Variants in THSD7B observed in about 807,000 individuals in gnomAD.
The protein encoded by THSD7B is thrombospondin type-1 domain-containing protein 7B.
In THSD7B, 138 loss-of-function variants were observed where a neutral mutation model predicts 213.6. That is an observed-to-expected ratio of 0.65 (90% CI 0.56 to 0.74). The LOEUF (loss-of-function observed/expected upper bound fraction) is 0.74, where lower values mean the gene tolerates loss of function less well. Ranked by LOEUF, THSD7B falls within the 30% of genes least tolerant of loss-of-function variation. The pLI is 0.00. For synonymous variants in THSD7B, 742 were observed against 687.0 expected (o/e 1.08, Z -1.25); for missense variants, 1,931 against 1,991.5 (o/e 0.97, Z 0.58).
intron 12 of THSD7B, among the ~76,000 whole-genome samples, chr2:137,354,291 A>C (rs201121482): frequency 2.7e-5 from 4 of 148,536 alleles, no homozygotes; most frequent in African/African-American, 9.9e-5. Flanking sequence ...CAGAAAAAAA[A>C]CCTCTTTACT....
At chr2:137,577,132 G>A (rs13393631) in intron 17 of THSD7B, among the ~76,000 whole-genome samples, 2 of 151,790 alleles carry the variant, frequency 1.3e-5, no homozygotes, top group African/African-American at 2.4e-5. Context: ...ATAATCTGGA[G>A]TGTAAATTCT....
rs186284591 is a variant in THSD7B, at chr2:137,128,688, T to C, written c.1369+13395T>C. ...CCCGTGCCTTAAACTTCTAGCACTT[T>C]AGCCAGGCCTCCATCCACTTCCCTA... On this transcript the variant is annotated intron_variant, in intron 5 of 27. Coordinates refer to ENST00000409968, the MANE Select transcript of THSD7B (RefSeq NM_001316349.2). 7.9e-4 allele frequency among the ~76,000 whole-genome samples: 120 copies of C among 152,350 alleles called. 1 individual carries two copies. The highest frequency in any genetic ancestry group is 2.9e-3 in the African/African-American group (120 of 41,592).
intron 17 of THSD7B, among the ~76,000 whole-genome samples, chr2:137,598,765 G>A (rs352187): frequency 0.48 from 72,320 of 151,904 alleles, 18,192 homozygotes; most frequent in African/African-American, 0.64. Context: ...GCTTGTAAAT[G>A]TCTGTGTAAC....
chr2:137,154,875 T>C (rs1679885398), intron 5 of THSD7B, among the ~76,000 whole-genome samples: 1 of 152,186 alleles, frequency 6.6e-6, no homozygotes, highest in South Asian at 2.1e-4. Context: ...TCCTTAACAT[T>C]AAACATATCC....
At chr2:136,879,804 G>A (rs1683588960) in intron 1 of THSD7B, among the ~76,000 whole-genome samples, 1 of 152,046 alleles carries the variant, frequency 6.6e-6, no homozygotes, top group Non-Finnish European at 1.5e-5. Flanking sequence ...AAAAAAGTCA[G>A]GGGTTGCAAT....
At chr2:137,115,382 A>C in intron 5 of THSD7B, 89 bp downstream of exon 5, 1 of 1,326,992 alleles carries the variant, frequency 7.5e-7, no homozygotes. Flanking sequence ...GAAATAAGTG[A>C]CACTTAGCAT....
intron 4 of THSD7B, among the ~76,000 whole-genome samples, chr2:137,099,336 G>A (rs1287605684): frequency 6.6e-6 from 1 of 152,042 alleles, no homozygotes; most frequent in Non-Finnish European, 1.5e-5. Flanking sequence ...CTCAACTAAG[G>A]GGAAGGCAAA....
chr2:136,844,462 CAGAGAG>C (rs56716402), intron 1 of THSD7B, among the ~76,000 whole-genome samples: 52 of 142,614 alleles, frequency 3.6e-4, no homozygotes, highest in South Asian at 2.5e-3. Flanking sequence ...CCACCCAAAA[CAGAGAG>C]AGAGAGAGAG....
intron 10 of THSD7B, among the ~76,000 whole-genome samples, chr2:137,247,345 A>G (rs1334806094): frequency 6.6e-6 from 1 of 152,180 alleles, no homozygotes; most frequent in African/African-American, 2.4e-5. Flanking sequence ...TGGCTGCACA[A>G]AGCAATTATC....
At chr2:137,510,860 A>G (rs2166973) in intron 15 of THSD7B, among the ~76,000 whole-genome samples, 79,816 of 151,934 alleles carry the variant, frequency 0.53, 21,167 homozygotes, top group East Asian at 0.7. Flanking sequence ...TTGTGTTTAT[A>G]CTATTCGGGG....
intron 2 of THSD7B, among the ~76,000 whole-genome samples, chr2:136,909,995 A>G (rs1363830523): frequency 6.6e-6 from 1 of 152,130 alleles, no homozygotes; most frequent in Non-Finnish European, 1.5e-5. Context: ...CTTCAGATAT[A>G]TATTAACTTT....
intron 2 of THSD7B, among the ~76,000 whole-genome samples, chr2:136,905,472 G>T (rs896616747): frequency 3.9e-5 from 6 of 152,220 alleles, no homozygotes; most frequent in Non-Finnish European, 1.5e-5. Context: ...CAATGGAAAA[G>T]AGCTATAATA....
chr2:137,184,188 A>C (rs1175133111), intron 7 of THSD7B, among the ~76,000 whole-genome samples: 1 of 152,134 alleles, frequency 6.6e-6, no homozygotes, highest in African/African-American at 2.4e-5. Context: ...GAGAAGGGAC[A>C]CTGTGTCCTC....
chr2:137,332,370 A>G (rs1282447778), intron 12 of THSD7B, among the ~76,000 whole-genome samples: 2 of 152,064 alleles, frequency 1.3e-5, no homozygotes, highest in Non-Finnish European at 2.9e-5. Flanking sequence ...GTTTTGGCCA[A>G]TTTCTCCCAT....
intron 17 of THSD7B, among the ~76,000 whole-genome samples, chr2:137,614,414 A>T (rs1419345630): frequency 6.6e-6 from 1 of 152,152 alleles, no homozygotes; most frequent in Non-Finnish European, 1.5e-5. Flanking sequence ...GATAGCTTAC[A>T]CTAAGCAGGT....
intron 7 of THSD7B, among the ~76,000 whole-genome samples, chr2:137,216,255 T>A (rs1193434616): frequency 2.3e-5 from 2 of 87,564 alleles, no homozygotes; most frequent in East Asian, 3.6e-4. Flanking sequence ...TGTCAGGGTA[T>A]CCCTGACCCC....
chr2:137,275,868 C>T, intron 11 of THSD7B, 55 bp from the exon 12 acceptor site: 1 of 1,323,454 alleles, frequency 7.6e-7, no homozygotes, highest in Non-Finnish European at 1.1e-6. Flanking sequence ...GTAAGTATTT[C>T]TTCCTCGTGT....
At chr2:136,955,154 G>A (rs766129107) in intron 2 of THSD7B, among the ~76,000 whole-genome samples, 1 of 152,098 alleles carries the variant, frequency 6.6e-6, no homozygotes, top group African/African-American at 2.4e-5. Flanking sequence ...GTCACAGTTC[G>A]GGGAACTCTG....
chr2:137,317,046 A>G (rs1684127690), intron 12 of THSD7B, among the ~76,000 whole-genome samples: 1 of 152,230 alleles, frequency 6.6e-6, no homozygotes, highest in Non-Finnish European at 1.5e-5. Context: ...TTGTAAACAT[A>G]ATTCTTATTC....
Sources: gnomAD v4.1 joint callset for allele counts (sites outside exome capture counted in the v4.1 genomes callset) on GRCh38, gnomAD v4.1.1 for gene constraint, MANE v1.5 for transcripts, NCBI Gene and HGNC (gene_info 2026-07-23, HGNC 2026-07-21) for gene names.